Variants in SLC38A12 observed in about 807,000 individuals in gnomAD.
SLC38A12 encodes solute carrier family 38 member 12.
chr17:74,794,949 A>AGAAG, the SLC38A12 span: 17 of 1,180,518 alleles, frequency 1.4e-5, no homozygotes, highest in Middle Eastern at 4.1e-4. Context: ...AAGAAGAAGA[A>AGAAG]AAAAAAAAAA....
chr17:74,789,025 C>G, the SLC38A12 span, among the ~76,000 whole-genome samples: 2 of 152,214 alleles, frequency 1.3e-5, no homozygotes, highest in African/African-American at 2.4e-5. Flanking sequence ...GCTTAATAGC[C>G]ACCTAAATCT....
chr17:74,803,852 A>C, the SLC38A12 span, among the ~76,000 whole-genome samples: 1 of 152,220 alleles, frequency 6.6e-6, no homozygotes, highest in Admixed American at 6.5e-5. Context: ...TATATCTGTT[A>C]AGAGTACATC....
the SLC38A12 span, among the ~76,000 whole-genome samples, chr17:74,796,791 C>G: frequency 3.1e-4 from 47 of 152,230 alleles, no homozygotes; most frequent in Admixed American, 3.1e-3. Flanking sequence ...TCTCCACCTT[C>G]CCCAGCCTTG....
At chr17:74,812,966 C>T in the SLC38A12 span, among the ~76,000 whole-genome samples, 1 of 152,144 alleles carries the variant, frequency 6.6e-6, no homozygotes, top group African/African-American at 2.4e-5. Context: ...CTCACTACAG[C>T]GTGGAAGCCA....
At chr17:74,829,797 A>C in the SLC38A12 span, among the ~76,000 whole-genome samples, 3 of 151,896 alleles carry the variant, frequency 2.0e-5, no homozygotes, top group Admixed American at 6.6e-5. This position sits in a 1 kb window ranked among gnomAD's most constrained non-coding sequence, Gnocchi z 4.1. Context: ...CCTGTGCCCC[A>C]ACTCCAGTGG....
chr17:74,825,133 C>A, the SLC38A12 span, among the ~76,000 whole-genome samples: 1 of 152,182 alleles, frequency 6.6e-6, no homozygotes, highest in East Asian at 1.9e-4. Context: ...CAGAAGGACC[C>A]CCCAAAATGC....
the SLC38A12 span, among the ~76,000 whole-genome samples, chr17:74,777,906 C>T: frequency 6.6e-6 from 1 of 152,352 alleles, no homozygotes; most frequent in East Asian, 1.9e-4. Flanking sequence ...AAGAGCGAAA[C>T]TCTGTCTCAA....
chr17:74,784,270 T>G, the SLC38A12 span, among the ~76,000 whole-genome samples: 2 of 152,154 alleles, frequency 1.3e-5, no homozygotes, highest in Non-Finnish European at 2.9e-5. Context: ...TCACCCAATT[T>G]AGCAGAGTAC....
the SLC38A12 span, chr17:74,785,532 C>G: frequency 1.2e-6 from 2 of 1,614,068 alleles, no homozygotes; most frequent in Admixed American, 1.7e-5. Context: ...GCGCACTCAC[C>G]ATGCCCAAGG....
the SLC38A12 span, among the ~76,000 whole-genome samples, chr17:74,822,871 G>T: frequency 1.3e-5 from 2 of 152,218 alleles, no homozygotes; most frequent in African/African-American, 4.8e-5. Flanking sequence ...GGGACGAAGG[G>T]GATGGAGGTC....
the SLC38A12 span, among the ~76,000 whole-genome samples, chr17:74,798,140 G>C: frequency 6.6e-6 from 1 of 152,218 alleles, no homozygotes; most frequent in African/African-American, 2.4e-5. Flanking sequence ...CAGGTAGATG[G>C]TGCCCCTACC....
the SLC38A12 span, among the ~76,000 whole-genome samples, chr17:74,815,313 A>C: frequency 6.6e-6 from 1 of 152,238 alleles, no homozygotes; most frequent in Admixed American, 6.5e-5. Flanking sequence ...GGCGGATCAA[A>C]GGACCAGTGG....
At chr17:74,790,852 C>G in the SLC38A12 span, 3 of 969,664 alleles carry the variant, frequency 3.1e-6, no homozygotes, top group South Asian at 2.9e-5. Flanking sequence ...AGTTTGGACA[C>G]TTGGGGATTT....
At chr17:74,783,689 G>A in the SLC38A12 span, among the ~76,000 whole-genome samples, 1 of 151,232 alleles carries the variant, frequency 6.6e-6, no homozygotes, top group Non-Finnish European at 1.5e-5. Flanking sequence ...TCCAAGGCAG[G>A]AGTTGGCAAT....
chr17:74,825,690 G>A, the SLC38A12 span, among the ~76,000 whole-genome samples: 13 of 152,222 alleles, frequency 8.5e-5, no homozygotes, highest in African/African-American at 3.1e-4. Context: ...GGAGGTCGGT[G>A]GCCCAGCTGT....
At chr17:74,795,799 G>T in the SLC38A12 span, among the ~76,000 whole-genome samples, 7 of 152,298 alleles carry the variant, frequency 4.6e-5, no homozygotes, top group Non-Finnish European at 1.0e-4. Context: ...GAAATGGATC[G>T]TGTCACTAAG....
the SLC38A12 span, among the ~76,000 whole-genome samples, chr17:74,818,592 G>C: frequency 6.6e-6 from 1 of 152,154 alleles, no homozygotes; most frequent in African/African-American, 2.4e-5. Context: ...GGGGCTGGCC[G>C]AGGGCTGAGC....
At chr17:74,815,621 C>T in the SLC38A12 span, among the ~76,000 whole-genome samples, 1 of 152,198 alleles carries the variant, frequency 6.6e-6, no homozygotes, top group African/African-American at 2.4e-5. Context: ...GACACAGAAG[C>T]ACGCAGAGTC....
the SLC38A12 span, among the ~76,000 whole-genome samples, chr17:74,798,990 A>C: frequency 9.9e-5 from 15 of 151,678 alleles, no homozygotes; most frequent in Non-Finnish European, 1.6e-4. Context: ...TTTGGGACTC[A>C]GACTGTCCCA....
Sources: allele counts gnomAD v4.1 joint callset (sites outside exome capture counted in the v4.1 genomes callset), GRCh38; gene constraint gnomAD v4.1.1; non-coding constraint Gnocchi (gnomAD v3.1); transcripts MANE v1.5; gene names NCBI Gene and HGNC (gene_info 2026-07-23, HGNC 2026-07-21).